KCTD8: variants seen among roughly 807,000 people sequenced by gnomAD.
KCTD8 encodes the protein potassium channel tetramerization domain containing 8.
KCTD8 carries 27 observed loss-of-function variants against 31.5 expected under a neutral mutation model. The observed-to-expected ratio is 0.86, with a 90% CI of 0.63 to 1.18. KCTD8 has a LOEUF of 1.18. Ranked by LOEUF, KCTD8 falls within the 50% of genes most tolerant of loss-of-function variation. The pLI is 0.00. For missense variants in KCTD8, 658 were observed against 647.7 expected, an observed-to-expected ratio of 1.02 and a Z score of -0.17; for synonymous variants, 290 against 280.0, an observed-to-expected ratio of 1.04 and a Z score of -0.36.
chr4:44,259,249 A>C (rs1166466213), intron 1 of KCTD8, among the ~76,000 whole-genome samples: 1 of 150,522 alleles, frequency 6.6e-6, no homozygotes, highest in African/African-American at 2.5e-5. Flanking sequence ...GATCTTCCAC[A>C]TGCAAGTCAA....
At chr4:44,264,321 C>T (rs944005240) in intron 1 of KCTD8, among the ~76,000 whole-genome samples, 3 of 152,112 alleles carry the variant, frequency 2.0e-5, no homozygotes, top group African/African-American at 7.2e-5. Flanking sequence ...TTTTTTATGA[C>T]TTAACCATTA....
intron 1 of KCTD8, among the ~76,000 whole-genome samples, chr4:44,378,422 C>T (rs997234524): frequency 2.6e-5 from 4 of 151,184 alleles, no homozygotes; most frequent in African/African-American, 9.7e-5. Flanking sequence ...AACAAACCTG[C>T]ACGTTGTGCA....
chr4:44,286,271 C>T (rs527265727), intron 1 of KCTD8, among the ~76,000 whole-genome samples: 1 of 152,222 alleles, frequency 6.6e-6, no homozygotes, highest in East Asian at 1.9e-4. Context: ...ATATCCAATA[C>T]TTAGATATCA....
intron 1 of KCTD8, among the ~76,000 whole-genome samples, chr4:44,311,883 C>T (rs1180417600): frequency 6.7e-6 from 1 of 150,200 alleles, no homozygotes; most frequent in Non-Finnish European, 1.5e-5. Flanking sequence ...CTTAAATGGA[C>T]TGAACTAGTA....
At chr4:44,186,333 C>A (rs1312210143) in intron 1 of KCTD8, among the ~76,000 whole-genome samples, 1 of 152,164 alleles carries the variant, frequency 6.6e-6, no homozygotes, top group Non-Finnish European at 1.5e-5. Flanking sequence ...CCACTGCATA[C>A]CCCTGCTGGC....
intron 1 of KCTD8, among the ~76,000 whole-genome samples, chr4:44,269,378 C>G (rs901711571): frequency 4.0e-5 from 6 of 151,532 alleles, no homozygotes; most frequent in Non-Finnish European, 7.4e-5. Context: ...ATACCTTATA[C>G]AAAAATTAAT....
intron 1 of KCTD8, among the ~76,000 whole-genome samples, chr4:44,332,490 T>C (rs1718613709): frequency 6.6e-6 from 1 of 152,032 alleles, no homozygotes; most frequent in Non-Finnish European, 1.5e-5. Flanking sequence ...TTCACCATTT[T>C]TATTCTCCAT....
At chr4:44,253,718 G>A (rs1014570117) in intron 1 of KCTD8, among the ~76,000 whole-genome samples, 4 of 151,692 alleles carry the variant, frequency 2.6e-5, no homozygotes, top group African/African-American at 7.3e-5. Context: ...TCCTCTGATC[G>A]CAGACATATG....
At chr4:44,327,654 A>C (rs939989808) in intron 1 of KCTD8, among the ~76,000 whole-genome samples, 1 of 151,684 alleles carries the variant, frequency 6.6e-6, no homozygotes, top group African/African-American at 2.4e-5. Flanking sequence ...GTAGCAATTA[A>C]AAATATAAAG....
At chr4:44,278,455 T>C (rs989932571) in intron 1 of KCTD8, among the ~76,000 whole-genome samples, 7 of 151,958 alleles carry the variant, frequency 4.6e-5, no homozygotes, top group African/African-American at 1.7e-4. Context: ...ATTAATATAG[T>C]AGAATGGTAA....
intron 1 of KCTD8, among the ~76,000 whole-genome samples, chr4:44,358,942 A>G (rs963027458): frequency 3.9e-5 from 6 of 152,050 alleles, no homozygotes; most frequent in Non-Finnish European, 8.8e-5. Context: ...GCTTTTTTTC[A>G]TATGTTTGCT....
chr4:44,262,533 G>GA lies in KCTD8; in HGVS notation c.962-87284dup, dbSNP rs200911492. 6.1e-3 allele frequency among the ~76,000 whole-genome samples: 925 copies of GA among 151,856 alleles called. 13 individuals are homozygous for GA. The highest frequency in any genetic ancestry group is 0.021 in the African/African-American group (862 of 41,482). On this transcript the variant is annotated intron_variant, in intron 1 of 1. Transcript: ENST00000360029. ...AAGTCACCTGTACCTTGGAGTGAGGGAAAAAAAGCATTATATTTATTTAAA... is the reference window on the plus strand; with the variant it reads ...AAGTCACCTGTACCTTGGAGTGAGGGAAAAAAAAGCATTATATTTATTTAAA...
chr4:44,320,170 CAAAAAAAAAAA>C (rs35250421), intron 1 of KCTD8, among the ~76,000 whole-genome samples: 20 of 31,920 alleles, frequency 6.3e-4, no homozygotes, highest in African/African-American at 1.4e-3. Context: ...GCCTCCATCT[CAAAAAAAAAAA>C]AAAAAAAAAA....
At chr4:44,343,500 C>T (rs1718959293) in intron 1 of KCTD8, among the ~76,000 whole-genome samples, 1 of 151,992 alleles carries the variant, frequency 6.6e-6, no homozygotes, top group South Asian at 2.1e-4. Flanking sequence ...GAGAAAATAA[C>T]CAAAATGTGA....
At chr4:44,331,634 A>G (rs1718592727) in intron 1 of KCTD8, among the ~76,000 whole-genome samples, 1 of 151,130 alleles carries the variant, frequency 6.6e-6, no homozygotes, top group Admixed American at 6.6e-5. Flanking sequence ...GATTTTGAAG[A>G]TGATAGTAAT....
chr4:44,235,794 T>C (rs1274243802), intron 1 of KCTD8, among the ~76,000 whole-genome samples: 1 of 151,664 alleles, frequency 6.6e-6, no homozygotes, highest in Admixed American at 6.6e-5. Flanking sequence ...GAGTCAATCT[T>C]CCCCCAAACA....
chr4:44,409,205 G>C (rs908425051), intron 1 of KCTD8, among the ~76,000 whole-genome samples: 1 of 141,876 alleles, frequency 7.0e-6, no homozygotes, highest in African/African-American at 2.6e-5. Flanking sequence ...CTGGGCAATA[G>C]AGTGAGATCC....
At chr4:44,306,751 A>G (rs1717816565) in intron 1 of KCTD8, among the ~76,000 whole-genome samples, 1 of 152,016 alleles carries the variant, frequency 6.6e-6, no homozygotes, top group South Asian at 2.1e-4. Flanking sequence ...TGACAGAACT[A>G]AGGAAGGTAA....
chr4:44,290,382 C>T (rs1292562992), intron 1 of KCTD8, among the ~76,000 whole-genome samples: 1 of 152,084 alleles, frequency 6.6e-6, no homozygotes, highest in Non-Finnish European at 1.5e-5. Context: ...CTTCAGCACA[C>T]CACTGAGAGC....
Sources: allele counts gnomAD v4.1 joint callset (sites outside exome capture counted in the v4.1 genomes callset), GRCh38; gene constraint gnomAD v4.1.1; transcripts MANE v1.5; gene names NCBI Gene and HGNC (gene_info 2026-07-23, HGNC 2026-07-21).